Variants in CCDC18 observed in about 807,000 individuals in gnomAD.
CCDC18 encodes the protein coiled-coil domain-containing protein 18.
A neutral mutation model predicts 196.0 loss-of-function variants in CCDC18; 157 were observed. The ratio of observed to expected loss-of-function variants is 0.80; its 90% confidence interval spans 0.70 to 0.91. The LOEUF (loss-of-function observed/expected upper bound fraction) is 0.91, where lower values mean the gene tolerates loss of function less well. Ranked by LOEUF, CCDC18 falls within the 40% of genes least tolerant of loss-of-function variation. The pLI is 0.00. For synonymous variants in CCDC18, 482 were observed against 529.2 expected (o/e 0.91, Z 1.22); for missense variants, 1,465 against 1,611.6 (o/e 0.91, Z 1.56).
At chr1:93,273,306 G>A (rs1272311229) in intron 28 of CCDC18, among the ~76,000 whole-genome samples, 1 of 152,178 alleles carries the variant, frequency 6.6e-6, no homozygotes, top group Non-Finnish European at 1.5e-5. Flanking sequence ...CTGACCTCGT[G>A]ATCTGCCTGC....
chr1:93,206,101 C>A (rs2101904488), intron 8 of CCDC18, among the ~76,000 whole-genome samples: 1 of 143,044 alleles, frequency 7.0e-6, no homozygotes, highest in South Asian at 2.5e-4. Flanking sequence ...TTTAGTACAT[C>A]ATGTTGTCCT....
rs1557710146 is a variant in CCDC18, at chr1:93,264,725, G to A, written c.3709G>A (p.Ala1237Thr). Residue 1237 changes from alanine (A) to threonine (T), a missense_variant, in exon 27 of 29, where the codon GCA (alanine) becomes ACA (threonine). Coordinates refer to ENST00000690025, the MANE Select transcript of CCDC18 (RefSeq NM_001378204.1). ...MEMISHQENH[A>T]KWKISADSQK... ...GATGATTTCACATCAAGAGAACCAT[G>A]CAAAGTGGAAGATTTCTGCTGACTC... is the stretch of plus-strand genomic sequence containing the variant. 1 of 1,612,056 alleles carries A rather than the reference G, an allele frequency of 6.2e-7. No individual in the cohort carries two copies. Among genetic ancestry groups the A allele is most frequent in the South Asian group, 1.1e-5 (1 of 90,996 alleles).
rs1484903467 is a variant in CCDC18 at position 93,232,567 on chromosome 1, G to T, written c.2434G>T (p.Asp812Tyr). Reference protein sequence around the residue: ...QETIRNGELEDTQTKLEKQVS... With the variant: ...QETIRNGELEYTQTKLEKQVS... The stretch of plus-strand genomic sequence containing the variant: ...GACAATTAGAAATGGAGAGCTAGAA[G>T]ATACTCAAACTAAACTTGAAAAACA... The change falls in exon 18 of 29, where the codon GAT becomes TAT. Residue 812 changes from aspartate (D) to tyrosine (Y), a missense_variant. By Grantham distance (160) the Asp-to-Tyr change is radical. Coordinates refer to ENST00000690025, the MANE Select transcript of CCDC18 (RefSeq NM_001378204.1). 6.2e-7 allele frequency: 1 copy of T among 1,607,488 alleles called. No individual in the cohort carries two copies. The highest frequency in any genetic ancestry group is 8.5e-7 in the Non-Finnish European group (1 of 1,177,504).
At chr1:93,185,045 A>C (rs1650390682) in intron 3 of CCDC18, among the ~76,000 whole-genome samples, 1 of 151,930 alleles carries the variant, frequency 6.6e-6, no homozygotes. Flanking sequence ...AATTGAGAAC[A>C]AAAATATCAG....
chr1:93,248,318 A>G (rs1228417671), intron 23 of CCDC18, among the ~76,000 whole-genome samples: 1 of 151,904 alleles, frequency 6.6e-6, no homozygotes, highest in Non-Finnish European at 1.5e-5. Flanking sequence ...CCAGCCTGTT[A>G]TTTTCCTTCT....
intron 17 of CCDC18, among the ~76,000 whole-genome samples, chr1:93,228,299 C>T (rs1658718657): frequency 3.9e-5 from 6 of 152,066 alleles, no homozygotes; most frequent in Admixed American, 3.9e-4. Flanking sequence ...GGAACTGGGG[C>T]AATAGAGGAG....
intron 23 of CCDC18, among the ~76,000 whole-genome samples, chr1:93,248,508 G>A (rs1452134928): frequency 1.3e-5 from 2 of 152,160 alleles, no homozygotes; most frequent in East Asian, 1.9e-4. Flanking sequence ...TCCCTGGGAT[G>A]AATTCCACTT....
At chr1:93,215,833 A>C (rs1656398297) in intron 12 of CCDC18, among the ~76,000 whole-genome samples, 1 of 152,156 alleles carries the variant, frequency 6.6e-6, no homozygotes, top group African/African-American at 2.4e-5. Context: ...TGTAAACCTG[A>C]AACAACTACG....
chr1:93,233,757 C>G (rs1419328583), intron 18 of CCDC18, among the ~76,000 whole-genome samples: 1 of 152,158 alleles, frequency 6.6e-6, no homozygotes, highest in Non-Finnish European at 1.5e-5. Flanking sequence ...TGCCACCACA[C>G]CCAGCTAATT....
intron 8 of CCDC18, 38 bp downstream of exon 8, chr1:93,205,669 G>A (rs1654597650): frequency 6.5e-7 from 1 of 1,546,598 alleles, no homozygotes; most frequent in Admixed American, 2.2e-5. Flanking sequence ...TTTTTGTGTG[G>A]ACATGGAAAA....
chr1:93,209,122 C>A (rs1416268215), intron 9 of CCDC18, among the ~76,000 whole-genome samples: 1 of 152,116 alleles, frequency 6.6e-6, no homozygotes, highest in Admixed American at 6.5e-5. Context: ...CCATGCCCAG[C>A]TAATTTTGTA....
chr1:93,224,360 A>G (rs187545143), intron 16 of CCDC18, among the ~76,000 whole-genome samples: 1 of 152,324 alleles, frequency 6.6e-6, no homozygotes, highest in East Asian at 1.9e-4. Flanking sequence ...GTATGGCCAC[A>G]CCACCACTAC....
At chr1:93,227,427 C>G (rs1658552197) in intron 17 of CCDC18, among the ~76,000 whole-genome samples, 1 of 151,854 alleles carries the variant, frequency 6.6e-6, no homozygotes, top group South Asian at 2.1e-4. Context: ...CTTGGCCTCC[C>G]AAAGTGTTGG....
chr1:93,278,645 G>A lies in CCDC18; in HGVS notation c.*168G>A, dbSNP rs922161994. 1 of 327,776 alleles carries A rather than the reference G, an allele frequency of 3.1e-6. No homozygotes were observed. Among genetic ancestry groups the A allele is most frequent in the Non-Finnish European group, 5.4e-6 (1 of 183,754 alleles). 20.3% of individuals were successfully genotyped at this position (327,776 alleles called of 1,614,324 possible). A position where few individuals can be genotyped will look rare whatever the true frequency, so the allele number is the denominator to read the frequency against. The stretch of plus-strand genomic sequence containing the variant: ...TCTAAAACTTAATTATATTTTTAAA[G>A]AAAATTTATTATTTTATTTATTGTT... On this transcript the variant is annotated 3_prime_UTR_variant, in exon 29 of 29. Coordinates refer to ENST00000690025, the MANE Select transcript of CCDC18 (RefSeq NM_001378204.1).
At chr1:93,236,444 G>C (rs758680381) in intron 19 of CCDC18, 54 bp downstream of exon 19, 9 of 1,525,002 alleles carry the variant, frequency 5.9e-6, no homozygotes, top group Non-Finnish European at 8.0e-6. Flanking sequence ...AGTGGTATCT[G>C]AGTTTTGAAA....
intron 24 of CCDC18, among the ~76,000 whole-genome samples, chr1:93,255,338 C>G (rs1320174828): frequency 6.6e-6 from 1 of 152,122 alleles, no homozygotes; most frequent in East Asian, 1.9e-4. Context: ...TACATTGAGA[C>G]CAAGTGCACT....
chr1:93,183,330 A>G, intron 1 of CCDC18, 30 bp from the exon 2 acceptor site: 2 of 1,459,288 alleles, frequency 1.4e-6, no homozygotes, highest in Non-Finnish European at 9.2e-7. Flanking sequence ...TCTTTCAGAC[A>G]AGGTACAAGA....
chr1:93,191,028 G>C (rs1338227215), intron 4 of CCDC18: 1 of 960,998 alleles, frequency 1.0e-6, no homozygotes, highest in Admixed American at 1.7e-5. Context: ...ACTTCTTACA[G>C]AAAGTCCTGC....
intron 27 of CCDC18, among the ~76,000 whole-genome samples, chr1:93,268,491 C>A (rs1664822901): frequency 6.6e-6 from 1 of 152,082 alleles, no homozygotes; most frequent in Admixed American, 6.5e-5. Flanking sequence ...AGTGAACAGG[C>A]AACCTACAGA....
Sources: gnomAD v4.1 joint callset for allele counts (sites outside exome capture counted in the v4.1 genomes callset) on GRCh38, gnomAD v4.1.1 for gene constraint, MANE v1.5 for transcripts, NCBI Gene and HGNC (gene_info 2026-07-23, HGNC 2026-07-21) for gene names.